Variants in REDIC1 observed in about 807,000 individuals in gnomAD.
The protein encoded by REDIC1 is HEI10 Interacting Protein 1.
the REDIC1 span, among the ~76,000 whole-genome samples, chr12:39,856,618 C>T: frequency 1.8e-3 from 268 of 152,288 alleles, no homozygotes; most frequent in Non-Finnish European, 2.4e-3. Flanking sequence ...TTGCCCACCT[C>T]GGCCTCCCAA....
At chr12:39,706,583 G>T in the REDIC1 span, among the ~76,000 whole-genome samples, 1 of 151,820 alleles carries the variant, frequency 6.6e-6, no homozygotes, top group South Asian at 2.1e-4. Flanking sequence ...AACCAAAACA[G>T]CATGAGAAGT....
the REDIC1 span, among the ~76,000 whole-genome samples, chr12:39,657,595 G>A: frequency 6.6e-6 from 1 of 152,148 alleles, no homozygotes; most frequent in East Asian, 1.9e-4. Context: ...TTGTTCTTGA[G>A]TGAGCTTTGG....
chr12:39,904,730 A>G, the REDIC1 span, among the ~76,000 whole-genome samples: 3 of 152,132 alleles, frequency 2.0e-5, no homozygotes, highest in African/African-American at 7.2e-5. Flanking sequence ...ACTAGACTAC[A>G]AGCCACAGGG....
chr12:39,715,421 T>A, the REDIC1 span, among the ~76,000 whole-genome samples: 1 of 152,038 alleles, frequency 6.6e-6, no homozygotes, highest in South Asian at 2.1e-4. Context: ...TTGGTCTATG[T>A]GCCTATTTTT....
the REDIC1 span, chr12:39,759,467 T>C: frequency 6.5e-6 from 1 of 152,692 alleles, no homozygotes; most frequent in Non-Finnish European, 1.5e-5. Context: ...CCAAAGGAGA[T>C]ACGGACAGCT....
At chr12:39,745,172 A>C in the REDIC1 span, among the ~76,000 whole-genome samples, 1 of 152,212 alleles carries the variant, frequency 6.6e-6, no homozygotes, top group African/African-American at 2.4e-5. Context: ...TGATTCTTTC[A>C]CATTTGCCTC....
chr12:39,820,717 T>TTA, the REDIC1 span, among the ~76,000 whole-genome samples: 44 of 132,642 alleles, frequency 3.3e-4, no homozygotes, highest in South Asian at 5.3e-4. Flanking sequence ...ATTTTTAAAT[T>TTA]TATATATATA....
At chr12:39,879,104 T>C in the REDIC1 span, among the ~76,000 whole-genome samples, 2 of 152,258 alleles carry the variant, frequency 1.3e-5, no homozygotes, top group South Asian at 2.1e-4. Context: ...GTGTTAAGCC[T>C]ATAGATATGC....
chr12:39,726,038 A>G, the REDIC1 span, among the ~76,000 whole-genome samples: 1 of 151,990 alleles, frequency 6.6e-6, no homozygotes, highest in Non-Finnish European at 1.5e-5. Context: ...CGTGGAACAA[A>G]TTTGCCTTTT....
chr12:39,648,375 C>T, the REDIC1 span, among the ~76,000 whole-genome samples: 5 of 151,860 alleles, frequency 3.3e-5, no homozygotes, highest in African/African-American at 4.8e-5. Context: ...TCAGAGATGT[C>T]GTAGTAGTCT....
the REDIC1 span, among the ~76,000 whole-genome samples, chr12:39,874,093 G>A: frequency 6.6e-6 from 1 of 152,228 alleles, no homozygotes; most frequent in South Asian, 2.1e-4. Context: ...AAAAGCAACA[G>A]TGAGGCACAA....
the REDIC1 span, among the ~76,000 whole-genome samples, chr12:39,883,648 G>A: frequency 6.6e-6 from 1 of 152,170 alleles, no homozygotes; most frequent in Non-Finnish European, 1.5e-5. Context: ...TATTAAGACT[G>A]TTTTATTTTA....
chr12:39,895,837 T>C, the REDIC1 span, among the ~76,000 whole-genome samples: 901 of 56,674 alleles, frequency 0.016, 267 homozygotes, highest in African/African-American at 0.056. Context: ...TGCGTGTATA[T>C]GCACACACAT....
the REDIC1 span, among the ~76,000 whole-genome samples, chr12:39,815,610 G>A: frequency 6.6e-6 from 1 of 152,154 alleles, no homozygotes. Flanking sequence ...ACGGTAAGAG[G>A]CGAACGGGGA....
At chr12:39,668,634 A>C in the REDIC1 span, among the ~76,000 whole-genome samples, 1 of 152,136 alleles carries the variant, frequency 6.6e-6, no homozygotes, top group African/African-American at 2.4e-5. Flanking sequence ...CTCCTGGATA[A>C]TATCCTGCAG....
the REDIC1 span, among the ~76,000 whole-genome samples, chr12:39,706,168 A>T: frequency 6.6e-6 from 1 of 152,054 alleles, no homozygotes; most frequent in Non-Finnish European, 1.5e-5. Context: ...TTATATGCCA[A>T]CAGTGAACAG....
the REDIC1 span, among the ~76,000 whole-genome samples, chr12:39,904,041 G>A: frequency 7.9e-5 from 12 of 152,066 alleles, no homozygotes; most frequent in African/African-American, 2.9e-4. Context: ...ACCACCCTCA[G>A]TCTTACTGAT....
the REDIC1 span, among the ~76,000 whole-genome samples, chr12:39,695,655 T>A: frequency 1.9e-4 from 29 of 152,290 alleles, no homozygotes; most frequent in Admixed American, 1.4e-3. Flanking sequence ...CACTTCTGGA[T>A]CCACCTGGGG....
the REDIC1 span, among the ~76,000 whole-genome samples, chr12:39,822,575 T>C: frequency 6.6e-6 from 1 of 152,332 alleles, no homozygotes; most frequent in South Asian, 2.1e-4. Context: ...TTCTGATGCT[T>C]ACTTGCCCCA....
Sources: gnomAD v4.1 joint callset for allele counts (sites outside exome capture counted in the v4.1 genomes callset) on GRCh38, gnomAD v4.1.1 for gene constraint, MANE v1.5 for transcripts, NCBI Gene and HGNC (gene_info 2026-07-23, HGNC 2026-07-21) for gene names.